The following MACROD2 variants were observed in gnomAD, a reference collection of about 807,000 sequenced individuals.
The protein encoded by MACROD2 is mono-ADP ribosylhydrolase 2.
In MACROD2, 36 loss-of-function variants were observed where a neutral mutation model predicts 70.4. The ratio of observed to expected loss-of-function variants is 0.51; its 90% CI spans 0.39 to 0.68. MACROD2 has a LOEUF of 0.68. Among genes scored for constraint, MACROD2 ranks in the 30% least tolerant of loss-of-function variants. MACROD2 has a pLI of 0.00. For missense variants in MACROD2, 496 were observed against 538.4 expected (o/e 0.92, Z 0.78); for synonymous variants, 172 against 178.8 (o/e 0.96, Z 0.30).
intron 3 of MACROD2, among the ~76,000 whole-genome samples, chr20:14,278,219 T>C (rs2082275547): frequency 6.6e-6 from 1 of 152,220 alleles, no homozygotes; most frequent in Non-Finnish European, 1.5e-5. Context: ...TTCAGCAATT[T>C]CCAAAAAGTT....
intron 5 of MACROD2, among the ~76,000 whole-genome samples, chr20:14,993,676 T>G (rs1301676922): frequency 6.6e-6 from 1 of 152,190 alleles, no homozygotes; most frequent in East Asian, 1.9e-4. Flanking sequence ...AAAAGTCACC[T>G]GTGAAACAAC....
intron 5 of MACROD2, among the ~76,000 whole-genome samples, chr20:15,131,488 T>G (rs2076104873): frequency 6.6e-6 from 1 of 152,040 alleles, no homozygotes; most frequent in South Asian, 2.1e-4. Flanking sequence ...AAACAGGGGA[T>G]TACATGGGGA....
intron 4 of MACROD2, among the ~76,000 whole-genome samples, chr20:14,525,161 A>G (rs1277502224): frequency 2.0e-5 from 3 of 152,202 alleles, no homozygotes; most frequent in African/African-American, 7.2e-5. Flanking sequence ...GTGTTTAAAT[A>G]GATGTTTATA....
At position 15,855,203 on chromosome 20, in the gene MACROD2, C is replaced by T. The variant is rs150207700; in HGVS notation, c.646-7542C>T. ...GGCTCTGAAAAATGGAGGTTGGCTG[C>T]AGATACTCCAAACCTGCTTCGCTGT... is the stretch of plus-strand genomic sequence containing the variant. On this transcript the variant is annotated intron_variant, in intron 8 of 17. Transcript: ENST00000684519. Among the ~76,000 whole-genome samples, 944 of 152,328 alleles carry T rather than the reference C, an allele frequency of 6.2e-3. 13 individuals are homozygous for T. Among genetic ancestry groups the T allele is most frequent in the African/African-American group, 0.022 (905 of 41,574 alleles).
At chr20:14,915,235 G>A (rs1211804815) in intron 5 of MACROD2, among the ~76,000 whole-genome samples, 5 of 152,212 alleles carry the variant, frequency 3.3e-5, no homozygotes, top group African/African-American at 4.8e-5. Flanking sequence ...TCTTACGAGC[G>A]TGAGTAAAGT....
chr20:15,519,122 T>TTCCTTCCTTCCTTCCTTCCTTC (rs1568863536), intron 8 of MACROD2, among the ~76,000 whole-genome samples: 2 of 110,638 alleles, frequency 1.8e-5, no homozygotes, highest in African/African-American at 6.0e-5. Flanking sequence ...TTCCTTCCTT[T>TTCCTTCCTTCCTTCCTTCCTTC]CTTTCTTTCT....
rs527662380 is a variant in MACROD2 at position 15,474,045 on chromosome 20, G to A, written c.572-25729G>A. On this transcript the variant is annotated intron_variant, in intron 7 of 17. Transcript: ENST00000684519. ...CTCATGCCATTGCGGACCTCAGTTT[G>A]TTTCTCCATAAAATAGGAACGAGAA... 5.9e-5 allele frequency among the ~76,000 whole-genome samples: 9 copies of A among 152,252 alleles called. No individual in the cohort carries two copies. In the East Asian group the frequency reaches 9.7e-4, roughly 16 times the overall value.
intron 4 of MACROD2, among the ~76,000 whole-genome samples, chr20:14,676,989 G>C (rs1327771327): frequency 6.6e-6 from 1 of 152,076 alleles, no homozygotes; most frequent in Non-Finnish European, 1.5e-5. Context: ...TCTGTATTTA[G>C]AACTTTGTCT....
At chr20:15,189,482 C>G (rs1202173729) in intron 5 of MACROD2, among the ~76,000 whole-genome samples, 1 of 152,044 alleles carries the variant, frequency 6.6e-6, no homozygotes, top group Non-Finnish European at 1.5e-5. Context: ...GTTTGTTTCC[C>G]TTGGTTTCAC....
chr20:14,739,488 G>T (rs13044671), intron 5 of MACROD2, among the ~76,000 whole-genome samples: 61,287 of 151,552 alleles, frequency 0.4, 13,780 homozygotes, highest in Non-Finnish European at 0.51. Flanking sequence ...CCATGGACGG[G>T]AGCAAGATTT....
At position 14,363,816 on chromosome 20, in the gene MACROD2, C is replaced by CAA. The variant is rs569929488; in HGVS notation, c.272-129631_272-129630dup. Among the ~76,000 whole-genome samples the CAA allele has an allele frequency of 7.9e-3, 564 of 71,528 alleles. 24 individuals are homozygous for CAA. The highest frequency in any genetic ancestry group is 0.015 in the Admixed American group (69 of 4,658). The allele number at this position is 71,528 out of a possible 152,430, so 46.9% of individuals were successfully genotyped here. On this transcript the variant is annotated intron_variant, in intron 3 of 17. Coordinates refer to ENST00000684519, the MANE Select transcript of MACROD2 (RefSeq NM_001351661.2). The stretch of plus-strand genomic sequence containing the variant: ...TGGGCGACAGAGCCAGACTCTGTCT[C>CAA]AAAAAAAAAAAAAAAAAAAAAAAAA...
rs150799973 is a variant in MACROD2, at chr20:14,326,600, G to A, written c.272-166879G>A. 6.8e-6 allele frequency: 11 copies of A among 1,613,710 alleles called. No homozygotes were observed. Among genetic ancestry groups the A allele is most frequent in the African/African-American group, 1.3e-5 (1 of 74,892 alleles). On this transcript the variant is annotated intron_variant, in intron 3 of 17. Coordinates refer to ENST00000684519, the MANE Select transcript of MACROD2 (RefSeq NM_001351661.2). This position sits in a 1 kb window ranked among gnomAD's most constrained non-coding sequence, Gnocchi z 5.5. ...CACCCGCAATACCAGGGATTGTTGC[G>A]AAGAATCAGTTGTGTTATATTGTCC...
Position 15,174,613 on chromosome 20 carries a change from C to A in MACROD2, c.419-55327C>A, listed in dbSNP as rs543255589. On this transcript the variant is annotated intron_variant, in intron 5 of 17. Coordinates refer to ENST00000684519, the MANE Select transcript of MACROD2 (RefSeq NM_001351661.2). ...CACAATGGTTGAACTAGTTTACAGT[C>A]CCACCAACAGTGTAAAAGTGTTCCT... 1.6e-3 allele frequency among the ~76,000 whole-genome samples: 237 copies of A among 152,204 alleles called. 1 individual carries two copies. The highest frequency in any genetic ancestry group is 5.5e-3 in the African/African-American group (229 of 41,520).
At chr20:14,172,959 A>T (rs2081235040) in intron 3 of MACROD2, among the ~76,000 whole-genome samples, 1 of 152,196 alleles carries the variant, frequency 6.6e-6, no homozygotes, top group African/African-American at 2.4e-5. Flanking sequence ...TAAGGAGACT[A>T]AAGATAGGAC....
chr20:14,685,380 T>C (rs2070989433), intron 5 of MACROD2, among the ~76,000 whole-genome samples: 1 of 152,168 alleles, frequency 6.6e-6, no homozygotes, highest in Non-Finnish European at 1.5e-5. Context: ...CAAAGTGATG[T>C]ATTGTTTTTC....
intron 4 of MACROD2, among the ~76,000 whole-genome samples, chr20:14,671,929 A>G (rs1273517675): frequency 1.3e-5 from 2 of 152,180 alleles, no homozygotes; most frequent in African/African-American, 4.8e-5. Flanking sequence ...GGTGACCTCT[A>G]ATGGAATCCA....
chr20:14,291,192 G>A (rs188919012), intron 3 of MACROD2, among the ~76,000 whole-genome samples: 173 of 152,250 alleles, frequency 1.1e-3, no homozygotes, highest in African/African-American at 3.9e-3. Flanking sequence ...GATAAGACTA[G>A]AGTCAAAAAG....
intron 8 of MACROD2, among the ~76,000 whole-genome samples, chr20:15,605,641 C>A (rs1191834654): frequency 6.6e-6 from 1 of 152,110 alleles, no homozygotes; most frequent in African/African-American, 2.4e-5. Flanking sequence ...GGTCACATAA[C>A]ATGTATAAGT....
chr20:15,056,987 T>TG, intron 5 of MACROD2, among the ~76,000 whole-genome samples: 1 of 152,314 alleles, frequency 6.6e-6, no homozygotes. Context: ...TGTGGTTACC[T>TG]GACCAACCCG....
Sources: allele counts gnomAD v4.1 joint callset (sites outside exome capture counted in the v4.1 genomes callset), GRCh38; gene constraint gnomAD v4.1.1; non-coding constraint Gnocchi (gnomAD v3.1); transcripts MANE v1.5; gene names NCBI Gene and HGNC (gene_info 2026-07-23, HGNC 2026-07-21).